Variants in GPHN observed in about 807,000 individuals in gnomAD.
GPHN encodes the protein gephyrin.
In GPHN, 17 loss-of-function variants were observed where a neutral mutation model predicts 95.5. The ratio of observed to expected loss-of-function variants is 0.18; its 90% CI spans 0.12 to 0.27. GPHN has a LOEUF of 0.27. Among genes scored for constraint, GPHN ranks in the 10% least tolerant of loss-of-function variants. The probability of loss-of-function intolerance (pLI) is 1.00; values close to 1 mark genes in which losing one functional copy is unlikely to be tolerated. For missense variants in GPHN, 660 were observed against 978.1 expected (o/e 0.67, Z 4.34); for synonymous variants, 320 against 322.5 (o/e 0.99, Z 0.08).
intron 1 of GPHN, among the ~76,000 whole-genome samples, chr14:66,593,894 A>T (rs2061864321): frequency 6.6e-6 from 1 of 152,234 alleles, no homozygotes; most frequent in Non-Finnish European, 1.5e-5. Context: ...CTTTCCTTAT[A>T]GATAACATAA....
chr14:66,901,277 A>G (rs2065118763), intron 5 of GPHN, among the ~76,000 whole-genome samples: 1 of 151,990 alleles, frequency 6.6e-6, no homozygotes, highest in South Asian at 2.1e-4. Context: ...TAGTCTAGTT[A>G]TTAATCCTTT....
At chr14:67,347,274 T>C in the GPHN span, 1 of 709,250 alleles carries the variant, frequency 1.4e-6, no homozygotes, top group Non-Finnish European at 2.4e-6. Context: ...ACTATTGTCC[T>C]GACTATATCA....
chr14:67,518,122 G>T, the GPHN span, among the ~76,000 whole-genome samples: 27 of 152,184 alleles, frequency 1.8e-4, no homozygotes, highest in Non-Finnish European at 3.5e-4. Context: ...ACAGGGTGAA[G>T]GTGAAGGGGC....
At chr14:67,284,254 A>G in the GPHN span, among the ~76,000 whole-genome samples, 1 of 152,016 alleles carries the variant, frequency 6.6e-6, no homozygotes, top group South Asian at 2.1e-4. Flanking sequence ...TTCACATACC[A>G]TAAAATTTTG....
the GPHN span, chr14:67,574,506 C>A: frequency 1.1e-6 from 1 of 946,814 alleles, no homozygotes; most frequent in East Asian, 2.9e-5. The surrounding 1 kb of genome is among the most constrained non-coding windows in gnomAD (Gnocchi z 4.2). Flanking sequence ...TACGGGGCTC[C>A]TTTCTCTGGG....
At chr14:66,779,877 C>T (rs921787690) in intron 3 of GPHN, among the ~76,000 whole-genome samples, 4 of 151,880 alleles carry the variant, frequency 2.6e-5, no homozygotes, top group African/African-American at 9.7e-5. Flanking sequence ...TAAAGCCTTA[C>T]TGTGGTGAAT....
At chr14:67,179,709 C>G (rs376117466) in intron 22 of GPHN, 35 bp downstream of exon 22, 37 of 1,033,744 alleles carry the variant, frequency 3.6e-5, no homozygotes, top group Non-Finnish European at 5.4e-5. Flanking sequence ...TTCCTAGACA[C>G]CTATCCTGTT....
chr14:67,212,299 C>T, the GPHN span, among the ~76,000 whole-genome samples: 1 of 151,916 alleles, frequency 6.6e-6, no homozygotes, highest in African/African-American at 2.4e-5. Context: ...TTTAAAATGG[C>T]TCCTCTGACA....
At chr14:67,648,431 T>A in the GPHN span, 2 of 333,068 alleles carry the variant, frequency 6.0e-6, no homozygotes, top group African/African-American at 4.2e-5. Context: ...TTTAAACAAT[T>A]AAATACAAGA....
the GPHN span, chr14:67,388,364 C>T: frequency 2.7e-5 from 26 of 957,218 alleles, no homozygotes; most frequent in Non-Finnish European, 4.3e-5. Flanking sequence ...GAGTTGCACT[C>T]CCCTTACAAC....
chr14:67,004,434 C>T (rs2072459738), intron 9 of GPHN, among the ~76,000 whole-genome samples: 1 of 151,536 alleles, frequency 6.6e-6, no homozygotes, highest in African/African-American at 2.4e-5. Flanking sequence ...GAGAATGTTG[C>T]AAAAATTAAA....
chr14:67,106,130 C>G (rs1301367519), intron 13 of GPHN, among the ~76,000 whole-genome samples: 1 of 152,130 alleles, frequency 6.6e-6, no homozygotes, highest in African/African-American at 2.4e-5. Context: ...CTGGGAAAGA[C>G]TATTTCTCCC....
chr14:67,075,228 C>T (rs1487530722), intron 11 of GPHN, among the ~76,000 whole-genome samples: 1 of 152,148 alleles, frequency 6.6e-6, no homozygotes, highest in Non-Finnish European at 1.5e-5. Context: ...ATCTTCCCTC[C>T]CTGTGCTCTA....
intron 1 of GPHN, among the ~76,000 whole-genome samples, chr14:66,675,147 T>TTTTG (rs1476492405): frequency 1.6e-4 from 11 of 70,514 alleles, no homozygotes; most frequent in African/African-American, 4.3e-4. Flanking sequence ...CTTTTTCCAG[T>TTTTG]TTTTTTTTTT....
intron 3 of GPHN, among the ~76,000 whole-genome samples, chr14:66,806,052 G>A (rs1013585493): frequency 5.3e-5 from 8 of 152,180 alleles, no homozygotes; most frequent in Admixed American, 2.0e-4. Context: ...GCATCCAGGC[G>A]TTTTCATATG....
the GPHN span, among the ~76,000 whole-genome samples, chr14:67,363,097 A>C: frequency 4.3e-4 from 65 of 152,270 alleles, no homozygotes; most frequent in African/African-American, 1.5e-3. Context: ...AATGTCTTGC[A>C]ACTGTTCCAT....
the GPHN span, chr14:67,353,870 C>G: frequency 6.6e-6 from 1 of 152,130 alleles, no homozygotes; most frequent in Non-Finnish European, 1.5e-5. Flanking sequence ...CTTGCTGCAG[C>G]CTCTAACTCC....
intron 21 of GPHN, among the ~76,000 whole-genome samples, chr14:67,170,002 C>T (rs1180950029): frequency 6.6e-6 from 1 of 152,076 alleles, no homozygotes; most frequent in Non-Finnish European, 1.5e-5. Flanking sequence ...CGCTTGAACC[C>T]GGGAGGCGGA....
intron 11 of GPHN, among the ~76,000 whole-genome samples, chr14:67,085,607 A>C (rs2076852838): frequency 6.6e-6 from 1 of 152,230 alleles, no homozygotes; most frequent in South Asian, 2.1e-4. Flanking sequence ...TACTGGCAAG[A>C]ACTTAGGGTG....
Sources: allele counts gnomAD v4.1 joint callset (sites outside exome capture counted in the v4.1 genomes callset), GRCh38; gene constraint gnomAD v4.1.1; non-coding constraint Gnocchi (gnomAD v3.1); transcripts MANE v1.5; gene names NCBI Gene and HGNC (gene_info 2026-07-23, HGNC 2026-07-21).